Variants in UNC13C observed in about 807,000 individuals in gnomAD.
UNC13C encodes the protein unc-13 homolog C.
In UNC13C, 174 loss-of-function variants were observed where a neutral mutation model predicts 245.4. That is an observed-to-expected ratio of 0.71 (90% confidence interval 0.63 to 0.80). The LOEUF is 0.80. Ranked by LOEUF, UNC13C falls within the 30% of genes least tolerant of loss-of-function variation. The pLI is 0.00. For synonymous variants in UNC13C, 992 were observed against 895.1 expected (o/e 1.11, Z -1.93); for missense variants, 2,829 against 2,602.9 (o/e 1.09, Z -1.89).
intron 2 of UNC13C, among the ~76,000 whole-genome samples, chr15:54,019,285 C>A (rs534469020): frequency 1.7e-4 from 26 of 152,248 alleles, no homozygotes; most frequent in Non-Finnish European, 3.1e-4. Flanking sequence ...TGTTTTTATT[C>A]AAGTTTTAAG....
intron 4 of UNC13C, among the ~76,000 whole-genome samples, chr15:54,214,294 C>T (rs190721282): frequency 2.6e-5 from 4 of 151,954 alleles, no homozygotes; most frequent in East Asian, 3.9e-4. Context: ...TCTTTTCTTT[C>T]GCTAGTCTTT....
At chr15:54,459,799 C>CT (rs551967596) in intron 19 of UNC13C, among the ~76,000 whole-genome samples, 35 of 148,632 alleles carry the variant, frequency 2.4e-4, no homozygotes, top group East Asian at 1.4e-3. Flanking sequence ...CATCCATATT[C>CT]TTTTTTTTTT....
chr15:54,454,674 T>C (rs903667948), intron 19 of UNC13C, among the ~76,000 whole-genome samples: 1 of 152,140 alleles, frequency 6.6e-6, no homozygotes, highest in Non-Finnish European at 1.5e-5. Context: ...GAGTACCTCA[T>C]GTAGGTGGAA....
intron 29 of UNC13C, 78 bp from the exon 30 acceptor site, chr15:54,567,722 G>A: frequency 7.8e-7 from 1 of 1,286,454 alleles, no homozygotes; most frequent in South Asian, 1.8e-5. Context: ...TTCCATTTGA[G>A]CTTCTCTATT....
chr15:54,216,809 A>T (rs1371889730), intron 4 of UNC13C, among the ~76,000 whole-genome samples: 1 of 151,864 alleles, frequency 6.6e-6, no homozygotes, highest in Non-Finnish European at 1.5e-5. Context: ...GCTGAGGGTA[A>T]TTTTATATAT....
chr15:54,411,848 G>T (rs1355919874), intron 18 of UNC13C, among the ~76,000 whole-genome samples: 3 of 152,048 alleles, frequency 2.0e-5, no homozygotes, highest in Admixed American at 6.6e-5. Context: ...CTAGAATTTT[G>T]ATTGAGATTG....
At chr15:53,839,388 T>C in the UNC13C span, among the ~76,000 whole-genome samples, 1 of 152,132 alleles carries the variant, frequency 6.6e-6, no homozygotes, top group African/African-American at 2.4e-5. Context: ...TAGCAATTGA[T>C]AACATTATTT....
chr15:53,915,701 T>A, the UNC13C span, among the ~76,000 whole-genome samples: 5 of 152,258 alleles, frequency 3.3e-5, no homozygotes, highest in Non-Finnish European at 5.9e-5. Context: ...CAATGTTGTA[T>A]CATATTTTGC....
intron 19 of UNC13C, among the ~76,000 whole-genome samples, chr15:54,476,392 G>C (rs1892740496): frequency 6.6e-6 from 1 of 150,644 alleles, no homozygotes; most frequent in African/African-American, 2.4e-5. Context: ...CCATGCCTAT[G>C]TCTTGAATGG....
intron 16 of UNC13C, among the ~76,000 whole-genome samples, chr15:54,334,725 A>T (rs569095307): frequency 6.6e-6 from 1 of 152,130 alleles, no homozygotes; most frequent in African/African-American, 2.4e-5. Flanking sequence ...ATTTACATCA[A>T]TTCTAATCTA....
the UNC13C span, among the ~76,000 whole-genome samples, chr15:53,857,092 G>C: frequency 7.9e-5 from 12 of 151,924 alleles, no homozygotes; most frequent in Non-Finnish European, 1.8e-4. Context: ...CACCGTGCCC[G>C]GCCCCAATCT....
chr15:53,889,684 T>G, the UNC13C span, among the ~76,000 whole-genome samples: 6 of 152,350 alleles, frequency 3.9e-5, no homozygotes, highest in African/African-American at 1.4e-4. Flanking sequence ...ATAACGGCTG[T>G]GAGGTTTGTC....
At chr15:54,445,065 GTT>G (rs1890732410) in intron 19 of UNC13C, among the ~76,000 whole-genome samples, 1 of 148,906 alleles carries the variant, frequency 6.7e-6, no homozygotes, top group Non-Finnish European at 1.5e-5. Context: ...AATATGCAGT[GTT>G]TATTTTTTTG....
At chr15:54,474,786 A>G (rs1230648771) in intron 19 of UNC13C, among the ~76,000 whole-genome samples, 1 of 151,930 alleles carries the variant, frequency 6.6e-6, no homozygotes, top group East Asian at 1.9e-4. Context: ...AGGCTGTACA[A>G]GAAGCATGGT....
intron 30 of UNC13C, among the ~76,000 whole-genome samples, chr15:54,593,871 A>T (rs1408476316): frequency 6.6e-6 from 1 of 152,150 alleles, no homozygotes; most frequent in Admixed American, 6.5e-5. Flanking sequence ...TTGCTGGTGA[A>T]CTAGGTGATT....
At chr15:54,059,325 C>A (rs899985903) in intron 2 of UNC13C, among the ~76,000 whole-genome samples, 13 of 152,110 alleles carry the variant, frequency 8.5e-5, no homozygotes, top group Admixed American at 7.2e-4. Flanking sequence ...CAATAACAGA[C>A]AAACAGAGAG....
At chr15:53,886,988 G>T in the UNC13C span, among the ~76,000 whole-genome samples, 2 of 152,120 alleles carry the variant, frequency 1.3e-5, no homozygotes, top group Non-Finnish European at 2.9e-5. Context: ...ACAGCCAAGA[G>T]GTGCCCATGG....
chr15:53,984,899 A>C (rs1894067374), intron 1 of UNC13C, among the ~76,000 whole-genome samples: 1 of 152,104 alleles, frequency 6.6e-6, no homozygotes, highest in African/African-American at 2.4e-5. Flanking sequence ...AATTGCCCCA[A>C]GATTCTAATA....
chr15:54,561,829 C>T (rs1897308238), intron 29 of UNC13C, among the ~76,000 whole-genome samples: 1 of 151,810 alleles, frequency 6.6e-6, no homozygotes, highest in South Asian at 2.1e-4. Context: ...TTATTTAGTT[C>T]ATAAGATGAT....
Sources: allele counts gnomAD v4.1 joint callset (sites outside exome capture counted in the v4.1 genomes callset), GRCh38; gene constraint gnomAD v4.1.1; transcripts MANE v1.5; gene names NCBI Gene and HGNC (gene_info 2026-07-23, HGNC 2026-07-21).